Variants in ATG2B observed in about 807,000 individuals in gnomAD.
ATG2B encodes autophagy-related protein 2 homolog B.
Under a neutral mutation model 241.3 loss-of-function variants are expected in ATG2B, and 121 were observed. The observed-to-expected ratio is 0.50, with a 90% CI of 0.43 to 0.58. The LOEUF (loss-of-function observed/expected upper bound fraction) is 0.58. Ranked by LOEUF, ATG2B falls within the 20% of genes least tolerant of loss-of-function variation. The pLI, the probability that ATG2B is intolerant of heterozygous loss-of-function variation, is 0.00. For synonymous variants in ATG2B, 858 were observed against 876.6 expected (o/e 0.98, Z 0.37); for missense variants, 2,306 against 2,491.6 (o/e 0.93, Z 1.59).
intron 6 of ATG2B, among the ~76,000 whole-genome samples, chr14:96,336,308 A>G (rs951449369): frequency 1.3e-5 from 2 of 152,186 alleles, no homozygotes; most frequent in Admixed American, 1.3e-4. Flanking sequence ...TATGAGATCT[A>G]TGTTTCTCAA....
In ATG2B at chr14:96,295,341, C is replaced by T. The variant is rs532874108; in HGVS notation, c.5218+141G>A. On this transcript the variant is annotated intron_variant, in intron 35 of 41. Transcript: ENST00000359933. ...TTATTACTTTTATATAAACAGTATT[C>T]GCGAATCAACAAAAATAAACACAGA... 7.2e-5 allele frequency: 60 copies of T among 833,560 alleles called. 1 individual carries two copies. The South Asian group carries it at 7.9e-4, about 11-fold the overall frequency. The allele number at this position is 833,560 out of a possible 1,614,324, so 51.6% of individuals were successfully genotyped here. A position where few individuals can be genotyped will look rare whatever the true frequency, so the allele number is the denominator to read the frequency against.
intron 34 of ATG2B, among the ~76,000 whole-genome samples, chr14:96,299,292 G>A (rs1331053043): frequency 6.6e-6 from 1 of 152,104 alleles, no homozygotes; most frequent in Non-Finnish European, 1.5e-5. Flanking sequence ...CCTTTCCTGA[G>A]CATCCCTCAC....
At chr14:96,334,317 T>C (rs986192092) in intron 7 of ATG2B, 88 bp downstream of exon 7, 3 of 783,336 alleles carry the variant, frequency 3.8e-6, no homozygotes, top group African/African-American at 3.7e-5. Flanking sequence ...AATAATAGAC[T>C]TTCCTACATG....
chr14:96,291,640 A>G lies in ATG2B; in HGVS notation c.5539T>C (p.Cys1847Arg), dbSNP rs777049236. 2.5e-6 allele frequency: 4 copies of G among 1,609,388 alleles called. No homozygotes were observed. The highest frequency in any genetic ancestry group is 3.4e-6 in the Non-Finnish European group (4 of 1,176,930). The stretch of plus-strand genomic sequence containing the variant: ...AGCCTCTTGAGCTTTAGTTCAGAGC[A>G]GTTTAACTGAGCCAGACCAATCAAA... ...GILIGLAQLN[C>R]SELKLKRLSY... Residue 1847 changes from cysteine (C) to arginine (R), a missense_variant, in exon 38 of 42, where the codon TGC (cysteine) becomes CGC (arginine). By Grantham distance (180) the Cys-to-Arg change is radical. Coordinates refer to ENST00000359933, the MANE Select transcript of ATG2B (RefSeq NM_018036.7).
intron 24 of ATG2B, 26 bp from the exon 25 acceptor site, chr14:96,313,183 C>G: frequency 8.4e-6 from 13 of 1,550,666 alleles, no homozygotes; most frequent in Non-Finnish European, 1.2e-5. Flanking sequence ...AACAAAAGAA[C>G]ATCAGTTTGA....
intron 8 of ATG2B, among the ~76,000 whole-genome samples, chr14:96,333,210 T>C (rs1424051827): frequency 1.3e-5 from 2 of 152,160 alleles, no homozygotes. Flanking sequence ...GTTATTAGCA[T>C]TTATACATTG....
At position 96,289,550 on chromosome 14, in the gene ATG2B, C is replaced by T; in HGVS notation, c.6006+106G>A. ...TATTAGTGGCAGTTGCCATTCTGCT[C>T]CCAGGGATTTCTACAGAATACATTT... On this transcript the variant is annotated intron_variant, in intron 41 of 41. Coordinates refer to ENST00000359933, the MANE Select transcript of ATG2B (RefSeq NM_018036.7). The surrounding 1 kb of genome is among the most constrained non-coding windows in gnomAD (Gnocchi z 4.3). 1 of 1,391,608 alleles carries T rather than the reference C, an allele frequency of 7.2e-7. No individual in the cohort carries two copies. The highest frequency in any genetic ancestry group is 9.8e-7 in the Non-Finnish European group (1 of 1,017,304). The allele number at this position is 1,391,608 out of a possible 1,614,324, so 86.2% of individuals were successfully genotyped here.
intron 23 of ATG2B, 49 bp downstream of exon 23, chr14:96,315,105 T>C: frequency 1.4e-6 from 2 of 1,406,574 alleles, no homozygotes; most frequent in East Asian, 4.9e-5. Context: ...GTATTAGATG[T>C]CAACACAAAT....
chr14:96,304,390 C>A, intron 32 of ATG2B, 105 bp downstream of exon 32: 1 of 737,812 alleles, frequency 1.4e-6, no homozygotes, highest in South Asian at 2.0e-5. Flanking sequence ...TTTTCCAATC[C>A]AAAGGGTTGG....
At chr14:96,327,912 G>A (rs1279858221) in intron 14 of ATG2B, among the ~76,000 whole-genome samples, 1 of 152,130 alleles carries the variant, frequency 6.6e-6, no homozygotes, top group Admixed American at 6.5e-5. Context: ...CCGCCTCCTG[G>A]GTTCAAGCTA....
At position 96,302,948 on chromosome 14, in the gene ATG2B, T is replaced by TA. The variant is rs575537330; in HGVS notation, c.5037+112dup. 4.2e-5 allele frequency: 35 copies of TA among 830,244 alleles called. No homozygotes were observed. The East Asian group carries it at 1.0e-3, about 24-fold the overall frequency. The allele number at this position is 830,244 out of a possible 1,614,324, so 51.4% of individuals were successfully genotyped here. On this transcript the variant is annotated intron_variant, in intron 33 of 41. Transcript: ENST00000359933. ...TACATTCAAAAGGGACTTTTCACAT[T>TA]AAAATGAGAAAAGATATCTAGTAAT...
At position 96,296,760 on chromosome 14, in the gene ATG2B, CA is replaced by C. The variant is rs796358676; in HGVS notation, c.5140-1201del. On this transcript the variant is annotated intron_variant, in intron 34 of 41. Transcript: ENST00000359933. The stretch of plus-strand genomic sequence containing the variant: ...CAGGCGACAGTGCGAGACACTGTCT[CA>C]AAAAAAAAAAAAAAACCCAACAACA... 2.8e-3 allele frequency among the ~76,000 whole-genome samples: 182 copies of C among 65,416 alleles called. 2 individuals are homozygous for C. The highest frequency in any genetic ancestry group is 6.4e-3 in the East Asian group (15 of 2,340). The allele number at this position is 65,416 out of a possible 152,430, so 42.9% of individuals were successfully genotyped here. A position where few individuals can be genotyped will look rare whatever the true frequency, so the allele number is the denominator to read the frequency against.
At chr14:96,349,063 A>T (rs1888245904) in intron 1 of ATG2B, among the ~76,000 whole-genome samples, 1 of 152,252 alleles carries the variant, frequency 6.6e-6, no homozygotes, top group South Asian at 2.1e-4. Flanking sequence ...ATTTGAACAC[A>T]TAATAGAACC....
chr14:96,337,207 G>T (rs549259705), intron 6 of ATG2B, among the ~76,000 whole-genome samples: 1 of 152,150 alleles, frequency 6.6e-6, no homozygotes, highest in African/African-American at 2.4e-5. Flanking sequence ...GTAGTCACTT[G>T]AACATCTACA....
At chr14:96,295,803 A>G (rs2139841136) in intron 34 of ATG2B, among the ~76,000 whole-genome samples, 1 of 152,038 alleles carries the variant, frequency 6.6e-6, no homozygotes, top group African/African-American at 2.4e-5. Context: ...AAATTAATTT[A>G]TAGGTATGAA....
intron 33 of ATG2B, 89 bp from the exon 34 acceptor site, chr14:96,302,197 T>A: frequency 1.3e-6 from 1 of 792,684 alleles, no homozygotes; most frequent in South Asian, 1.7e-5. Flanking sequence ...GAAAAATTCC[T>A]ATTCCTATAC....
chr14:96,308,245 T>G (rs1477654877), intron 29 of ATG2B, among the ~76,000 whole-genome samples: 1 of 27,714 alleles, frequency 3.6e-5, no homozygotes, highest in Non-Finnish European at 6.6e-5. Flanking sequence ...TATATATATA[T>G]ATATATACAC....
intron 15 of ATG2B, among the ~76,000 whole-genome samples, chr14:96,324,413 C>T (rs571727840): frequency 3.9e-5 from 6 of 152,174 alleles, no homozygotes; most frequent in South Asian, 2.1e-4. Context: ...GGGCTGGGCG[C>T]GGTGACTCAC....
intron 37 of ATG2B, 135 bp downstream of exon 37, chr14:96,291,894 C>A (rs1595291993): frequency 1.5e-6 from 1 of 663,022 alleles, no homozygotes; most frequent in South Asian, 3.2e-5. Flanking sequence ...ACATTAAAAA[C>A]AATTAAATTT....
Sources: allele counts gnomAD v4.1 joint callset (sites outside exome capture counted in the v4.1 genomes callset), GRCh38; gene constraint gnomAD v4.1.1; non-coding constraint Gnocchi (gnomAD v3.1); transcripts MANE v1.5; gene names NCBI Gene and HGNC (gene_info 2026-07-23, HGNC 2026-07-21).